Variants in FRAT2 observed in about 807,000 individuals in gnomAD.
FRAT2 encodes the protein GSK-3-binding protein FRAT2.
For synonymous variants in FRAT2, 205 were observed against 171.5 expected (o/e 1.20, Z -1.53); for missense variants, 326 against 340.8 (o/e 0.96, Z 0.34).
Position 97,333,084 on chromosome 10 carries a change from G to C in FRAT2, c.*787C>G, listed in dbSNP as rs1013996810. 2.0e-5 allele frequency: 3 copies of C among 152,190 alleles called. No homozygotes were observed. The highest frequency in any genetic ancestry group is 4.4e-5 in the Non-Finnish European group (3 of 68,028). 9.4% of individuals were successfully genotyped at this position (152,190 alleles called of 1,614,324 possible). On this transcript the variant is annotated 3_prime_UTR_variant, in exon 1 of 1. Coordinates refer to ENST00000371019, the MANE Select transcript of FRAT2 (RefSeq NM_012083.3). The stretch of plus-strand genomic sequence containing the variant: ...CCTCTCTGCCTGTTTGTGTCCTCGG[G>C]AGACTCCAAGCGGTGGTAAAGCACC...
chr10:97,332,935 AAG>A lies in FRAT2; in HGVS notation c.*934_*935del, dbSNP rs1184589644. On this transcript the variant is annotated 3_prime_UTR_variant, in exon 1 of 1. Transcript: ENST00000371019. Reference sequence around the variant, plus strand: ...AGAAAGCTCAGCTGGGAGGACAAGAAAGAGACTCAAGAGATCGTTTATGACTG... The same window carrying A: ...AGAAAGCTCAGCTGGGAGGACAAGAAAGACTCAAGAGATCGTTTATGACTG... The A allele has an allele frequency of 6.6e-6, 1 of 152,264 alleles. No homozygotes were observed. Among genetic ancestry groups the A allele is most frequent in the Admixed American group, 6.5e-5 (1 of 15,280 alleles). The allele number at this position is 152,264 out of a possible 1,614,324, so 9.4% of individuals were successfully genotyped here. A position where few individuals can be genotyped will look rare whatever the true frequency, so the allele number is the denominator to read the frequency against.
chr10:97,333,639 C>G lies in FRAT2; in HGVS notation c.*232G>C, dbSNP rs1052669383. Reference sequence around the variant, plus strand: ...TTGGGCTTGGATGGCCCGGGAAATTCTCATGCCCCACGGAAGCACCCTGGC... The same window carrying G: ...TTGGGCTTGGATGGCCCGGGAAATTGTCATGCCCCACGGAAGCACCCTGGC... On this transcript the variant is annotated 3_prime_UTR_variant, in exon 1 of 1. Coordinates refer to ENST00000371019, the MANE Select transcript of FRAT2 (RefSeq NM_012083.3). 2.6e-5 allele frequency: 12 copies of G among 453,200 alleles called. No individual in the cohort carries two copies. Among genetic ancestry groups the G allele is most frequent in the Non-Finnish European group, 3.5e-5 (9 of 259,124 alleles). 28.1% of individuals were successfully genotyped at this position (453,200 alleles called of 1,614,324 possible). A position where few individuals can be genotyped will look rare whatever the true frequency, so the allele number is the denominator to read the frequency against.
At position 97,334,504 on chromosome 10, in the gene FRAT2, G is replaced by A; in HGVS notation, c.69C>T (p.Asp23=). The part of the protein sequence containing the change: ...EEAEGEEEED[D]SFLLLQQSVT... ...CCGACTGCTGCAGCAGGAGGAAGCT[G>A]TCGTCCTCCTCTTCCTCCCCCTCCG... The change falls in exon 1 of 1, where the codon GAC becomes GAT. Residue 23 remains aspartate (D), a synonymous_variant. Transcript: ENST00000371019. The A allele has an allele frequency of 2.0e-6, 3 of 1,494,850 alleles. No individual in the cohort carries two copies. Among genetic ancestry groups the A allele is most frequent in the Non-Finnish European group, 2.7e-6 (3 of 1,127,136 alleles). 92.6% of individuals were successfully genotyped at this position (1,494,850 alleles called of 1,614,324 possible).
rs764013259 is a variant in FRAT2 at position 97,333,869 on chromosome 10, C to T, written c.*2G>A. The T allele has an allele frequency of 2.0e-6, 3 of 1,507,812 alleles. No homozygotes were observed. The highest frequency in any genetic ancestry group is 2.7e-6 in the Non-Finnish European group (3 of 1,131,656). The allele number at this position is 1,507,812 out of a possible 1,614,324, so 93.4% of individuals were successfully genotyped here. A position where few individuals can be genotyped will look rare whatever the true frequency, so the allele number is the denominator to read the frequency against. On this transcript the variant is annotated 3_prime_UTR_variant, in exon 1 of 1. Transcript: ENST00000371019. ...TCCACTTCCTCCTCCAGGAGGCCTG[C>T]GTCAGAGCAAGGAGCCTGAGGGCTG...
At position 97,334,580 on chromosome 10, in the gene FRAT2, C is replaced by G. The variant is rs569187998; in HGVS notation, c.-8G>C. 4.9e-6 allele frequency: 7 copies of G among 1,433,034 alleles called. No homozygotes were observed. Among genetic ancestry groups the G allele is most frequent in the Admixed American group, 2.5e-5 (1 of 40,426 alleles). 88.8% of individuals were successfully genotyped at this position (1,433,034 alleles called of 1,614,324 possible). On this transcript the variant is annotated 5_prime_UTR_variant, in exon 1 of 1. Coordinates refer to ENST00000371019, the MANE Select transcript of FRAT2 (RefSeq NM_012083.3). ...CTCCCTCCGGCACGGCATGGCCCCCCGTCCTGGCACCCGGAGCTGTGCGGG... is the reference window on the plus strand; with the variant it reads ...CTCCCTCCGGCACGGCATGGCCCCCGGTCCTGGCACCCGGAGCTGTGCGGG...
In FRAT2 at chr10:97,333,919, G is replaced by A. The variant is rs2134972712; in HGVS notation, c.654C>T (p.Arg218=). 3.2e-6 allele frequency: 5 copies of A among 1,571,122 alleles called. No homozygotes were observed. Among genetic ancestry groups the A allele is most frequent in the Non-Finnish European group, 4.3e-6 (5 of 1,165,510 alleles). ...GCAGGGCAATGCGGTCAGGTCCGCT[G>A]CGGCCTCCCCCGGGCCCAGGGGCGC... ...PASAPGPGGG[R]SGPDRIALQP... The change falls in exon 1 of 1, where the codon CGC becomes CGT. Residue 218 remains arginine, a synonymous_variant. Coordinates refer to ENST00000371019, the MANE Select transcript of FRAT2 (RefSeq NM_012083.3).
In FRAT2 at chr10:97,333,297, A is replaced by C. The variant is rs1843542431; in HGVS notation, c.*574T>G. On this transcript the variant is annotated 3_prime_UTR_variant, in exon 1 of 1. Transcript: ENST00000371019. ...CTCTCCAGTCCCTTAATTGGAGTTC[A>C]CATCTCCCACCTTCACCAGCCACCG... 6.6e-6 allele frequency: 1 copy of C among 152,200 alleles called. No individual in the cohort carries two copies. The highest frequency in any genetic ancestry group is 2.4e-5 in the African/African-American group (1 of 41,426). 9.4% of individuals were successfully genotyped at this position (152,200 alleles called of 1,614,324 possible).
Position 97,334,610 on chromosome 10 carries a change from G to A in FRAT2, c.-38C>T. ...TGGCACCCGGAGCTGTGCGGGCTTC[G>A]CTGGGGGCTTGGTTGCCCGCGGGCG... On this transcript the variant is annotated 5_prime_UTR_variant, in exon 1 of 1. Transcript: ENST00000371019. The A allele has an allele frequency of 1.5e-6, 2 of 1,354,714 alleles. No individual in the cohort carries two copies. The highest frequency in any genetic ancestry group is 1.9e-6 in the Non-Finnish European group (2 of 1,047,738). 83.9% of individuals were successfully genotyped at this position (1,354,714 alleles called of 1,614,324 possible). A position where few individuals can be genotyped will look rare whatever the true frequency, so the allele number is the denominator to read the frequency against.
Position 97,334,371 on chromosome 10 carries a change from C to T in FRAT2, c.202G>A (p.Gly68Arg). The change falls in exon 1 of 1, where the codon GGG becomes AGG. Residue 68 changes from glycine to arginine, a missense_variant. Transcript: ENST00000371019. ...GGCCCCGGGGCCCGCAGCGGCACCC[C>T]CGGGGGCGCGCACGGCGAGGCCGGG... ...DSPASPCAPP[G>R]VPLRAPGPLA... 1 of 1,238,356 alleles carries T rather than the reference C, an allele frequency of 8.1e-7. No homozygotes were observed. Among genetic ancestry groups the T allele is most frequent in the Non-Finnish European group, 1.0e-6 (1 of 990,674 alleles). The allele number at this position is 1,238,356 out of a possible 1,614,324, so 76.7% of individuals were successfully genotyped here.
In FRAT2 at chr10:97,333,980, C is replaced by A; in HGVS notation, c.593G>T (p.Arg198Leu). The A allele has an allele frequency of 6.3e-7, 1 of 1,586,140 alleles. No homozygotes were observed. The highest frequency in any genetic ancestry group is 1.1e-5 in the South Asian group (1 of 88,962). ...LIKEAVRRLQ[R>L]AVAAVAATGP... ...CGTGGCTGCAACCGCGGCGACGGCT[C>A]GTTGGAGTCTCCGCACGGCTTCCTT... Residue 198 changes from arginine to leucine, a missense_variant, in exon 1 of 1, where the codon CGA becomes CTA. Arg to Leu is a moderately radical substitution (Grantham distance 102). Transcript: ENST00000371019.
Position 97,334,255 on chromosome 10 carries a change from C to T in FRAT2, c.318G>A (p.Ala106=). The stretch of plus-strand genomic sequence containing the variant: ...GGGCGCAGCGCAGGGCCCCAGAGGG[C>T]GCCGGGCCCACCGTCTCAGCCGAAG... ...PPASAETVGP[A]PSGALRCALG... Residue 106 remains alanine (A), a synonymous_variant, in exon 1 of 1, where the codon GCG becomes GCA. Coordinates refer to ENST00000371019, the MANE Select transcript of FRAT2 (RefSeq NM_012083.3). 8.4e-7 allele frequency: 1 copy of T among 1,189,806 alleles called. No individual in the cohort carries two copies. The allele number at this position is 1,189,806 out of a possible 1,614,324, so 73.7% of individuals were successfully genotyped here.
rs1589397852 is a variant in FRAT2, at chr10:97,334,320, T to C, written c.253A>G (p.Lys85Glu). Residue 85 changes from lysine (K) to glutamate (E), a missense_variant, in exon 1 of 1, where the codon AAG (lysine) becomes GAG (glutamate). Physicochemically the swap from Lys to Glu is moderately conservative, Grantham distance 56. Coordinates refer to ENST00000371019, the MANE Select transcript of FRAT2 (RefSeq NM_012083.3). ...AGCGGCACCGCCGGGGGCCGGGCCTTGTCCGCCGGCACCGCCGCAGCCAGG... is the reference window on the plus strand; with the variant it reads ...AGCGGCACCGCCGGGGGCCGGGCCTCGTCCGCCGGCACCGCCGCAGCCAGG... ...GPLAAAVPAD[K>E]ARPPAVPLLL... 2 of 1,144,610 alleles carry C rather than the reference T, an allele frequency of 1.7e-6. No individual in the cohort carries two copies. The highest frequency in any genetic ancestry group is 4.5e-5 in the East Asian group (1 of 22,084). 70.9% of individuals were successfully genotyped at this position (1,144,610 alleles called of 1,614,324 possible).
In FRAT2 at chr10:97,334,082, G is replaced by A. The variant is rs1300329603; in HGVS notation, c.491C>T (p.Thr164Ile). 6.3e-7 allele frequency: 1 copy of A among 1,592,602 alleles called. No individual in the cohort carries two copies. The highest frequency in any genetic ancestry group is 1.1e-5 in the South Asian group (1 of 90,246). The change falls in exon 1 of 1, where the codon ACC becomes ATC. Residue 164 changes from threonine (T) to isoleucine (I), a missense_variant. Physicochemically the swap from Thr to Ile is moderately conservative, Grantham distance 89 (BLOSUM62 -1). Coordinates refer to ENST00000371019, the MANE Select transcript of FRAT2 (RefSeq NM_012083.3). ...GTCGCCGGCGCGTGCCCCGGCTTGGGTCCATCGGCGCTGCTGCAAGCGGCG... is the reference window on the plus strand; with the variant it reads ...GTCGCCGGCGCGTGCCCCGGCTTGGATCCATCGGCGCTGCTGCAAGCGGCG... ...TSRRLQQRRW[T>I]QAGARAGDDD... is the part of the protein sequence containing the mutation.
chr10:97,334,623 T>C lies in FRAT2; in HGVS notation c.-51A>G, dbSNP rs1266410616. On this transcript the variant is annotated 5_prime_UTR_variant, in exon 1 of 1. Coordinates refer to ENST00000371019, the MANE Select transcript of FRAT2 (RefSeq NM_012083.3). ...TGTGCGGGCTTCGCTGGGGGCTTGG[T>C]TGCCCGCGGGCGCGGAGCTGCGGGC... The C allele has an allele frequency of 1.4e-5, 19 of 1,313,952 alleles. No individual in the cohort carries two copies. In the East Asian group the frequency reaches 5.3e-4, roughly 37 times the overall value. The allele number at this position is 1,313,952 out of a possible 1,614,324, so 81.4% of individuals were successfully genotyped here. A position where few individuals can be genotyped will look rare whatever the true frequency, so the allele number is the denominator to read the frequency against.
rs997784468 is a variant in FRAT2 at position 97,333,726 on chromosome 10, G to A, written c.*145C>T. 3.5e-6 allele frequency: 3 copies of A among 860,222 alleles called. No individual in the cohort carries two copies. Among genetic ancestry groups the A allele is most frequent in the Non-Finnish European group, 4.9e-6 (3 of 614,164 alleles). The allele number at this position is 860,222 out of a possible 1,614,324, so 53.3% of individuals were successfully genotyped here. A position where few individuals can be genotyped will look rare whatever the true frequency, so the allele number is the denominator to read the frequency against. ...CCTCGCCGCGGCTGGTAACTTCTCTGGTTGAGATCTCTCCCCACGCGCCTC... is the reference window on the plus strand; with the variant it reads ...CCTCGCCGCGGCTGGTAACTTCTCTAGTTGAGATCTCTCCCCACGCGCCTC... On this transcript the variant is annotated 3_prime_UTR_variant, in exon 1 of 1. Coordinates refer to ENST00000371019, the MANE Select transcript of FRAT2 (RefSeq NM_012083.3).
In FRAT2 at chr10:97,334,662, G is replaced by A. The variant is rs1190722555; in HGVS notation, c.-90C>T. 5.5e-6 allele frequency: 7 copies of A among 1,279,362 alleles called. No individual in the cohort carries two copies. Among genetic ancestry groups the A allele is most frequent in the South Asian group, 2.3e-5 (1 of 44,066 alleles). 79.3% of individuals were successfully genotyped at this position (1,279,362 alleles called of 1,614,324 possible). On this transcript the variant is annotated 5_prime_UTR_variant, in exon 1 of 1. Coordinates refer to ENST00000371019, the MANE Select transcript of FRAT2 (RefSeq NM_012083.3). ...GGAGCTGCGGGCGAAGCCGGAGCAG[G>A]GGCGGACGCGGAAGCCGGAGCCCGC...
chr10:97,333,933 G>C lies in FRAT2; in HGVS notation c.640C>G (p.Pro214Ala), dbSNP rs1206861098. ...AATGPASAPGPGGGRSGPDRI... is the reference protein window; with the variant it reads ...AATGPASAPGAGGGRSGPDRI... ...TCAGGTCCGCTGCGGCCTCCCCCGG[G>C]CCCAGGGGCGCTTGCGGGGCCCGTG... The change falls in exon 1 of 1, where the codon CCC (proline) becomes GCC (alanine). Residue 214 changes from proline to alanine, a missense_variant. Coordinates refer to ENST00000371019, the MANE Select transcript of FRAT2 (RefSeq NM_012083.3). 1.9e-6 allele frequency: 3 copies of C among 1,574,104 alleles called. No individual in the cohort carries two copies. The highest frequency in any genetic ancestry group is 2.6e-6 in the Non-Finnish European group (3 of 1,167,244).
Position 97,334,305 on chromosome 10 carries a change from C to G in FRAT2, c.268G>C (p.Ala90Pro). ...GCGGGCGGCAGCAGCAGCGGCACCG[C>G]CGGGGGCCGGGCCTTGTCCGCCGGC... is the stretch of plus-strand genomic sequence containing the variant. ...AVPADKARPP[A>P]VPLLLPPASA... Residue 90 changes from alanine (A) to proline (P), a missense_variant, in exon 1 of 1, where the codon GCG (alanine) becomes CCG (proline). Coordinates refer to ENST00000371019, the MANE Select transcript of FRAT2 (RefSeq NM_012083.3). The G allele has an allele frequency of 8.8e-7, 1 of 1,131,756 alleles. No individual in the cohort carries two copies. Among genetic ancestry groups the G allele is most frequent in the Non-Finnish European group, 1.1e-6 (1 of 925,582 alleles). 70.1% of individuals were successfully genotyped at this position (1,131,756 alleles called of 1,614,324 possible).
At position 97,334,460 on chromosome 10, in the gene FRAT2, C is replaced by T. The variant is rs1338834228; in HGVS notation, c.113G>A (p.Gly38Asp). ...CTGGGCCACCAGCCGGTCCACCTCG[C>T]CCGAGCTGCCCAGCGTCACCGACTG... ...LQQSVTLGSS[G>D]EVDRLVAQIG... is the part of the protein sequence containing the mutation. Residue 38 changes from glycine (G) to aspartate (D), a missense_variant, in exon 1 of 1, where the codon GGC becomes GAC. Coordinates refer to ENST00000371019, the MANE Select transcript of FRAT2 (RefSeq NM_012083.3). The T allele has an allele frequency of 1.3e-6, 2 of 1,489,186 alleles. No homozygotes were observed. The highest frequency in any genetic ancestry group is 1.8e-6 in the Non-Finnish European group (2 of 1,124,526). 92.2% of individuals were successfully genotyped at this position (1,489,186 alleles called of 1,614,324 possible).
Sources: allele counts gnomAD v4.1 joint callset, GRCh38; gene constraint gnomAD v4.1.1; transcripts MANE v1.5; gene names NCBI Gene and HGNC (gene_info 2026-07-23, HGNC 2026-07-21).